Variants in KCNH8 observed in about 807,000 individuals in gnomAD.
KCNH8 encodes the protein voltage-gated delayed rectifier potassium channel KCNH8.
A neutral mutation model predicts 103.6 loss-of-function variants in KCNH8; 70 were observed. That is an observed-to-expected ratio of 0.68 (90% CI 0.56 to 0.82). KCNH8 has a LOEUF of 0.82. Among genes scored for constraint, KCNH8 ranks in the 40% least tolerant of loss-of-function variants. KCNH8 has a pLI of 0.00. For missense variants in KCNH8, 1,217 were observed against 1,329.9 expected (o/e 0.92, Z 1.32); for synonymous variants, 498 against 489.4 (o/e 1.02, Z -0.23).
chr3:19,250,407 A>G (rs576004209), intron 1 of KCNH8, among the ~76,000 whole-genome samples: 1 of 152,302 alleles, frequency 6.6e-6, no homozygotes, highest in Admixed American at 6.5e-5. Flanking sequence ...ACTTAAAATA[A>G]AACTTGATAT....
chr3:19,345,505 C>A (rs1393308956), intron 4 of KCNH8, among the ~76,000 whole-genome samples: 2 of 152,000 alleles, frequency 1.3e-5, no homozygotes, highest in African/African-American at 2.4e-5. Context: ...AAGAAATATG[C>A]TTGAAGATTA....
intron 1 of KCNH8, among the ~76,000 whole-genome samples, chr3:19,246,266 TTG>T (rs1295057831): frequency 3.8e-4 from 56 of 145,462 alleles, no homozygotes; most frequent in South Asian, 6.3e-4. Flanking sequence ...AGTTTTTTTG[TTG>T]TTGTTGTTTT....
intron 2 of KCNH8, among the ~76,000 whole-genome samples, chr3:19,266,274 C>A (rs2064509382): frequency 6.6e-6 from 1 of 152,088 alleles, no homozygotes; most frequent in Non-Finnish European, 1.5e-5. Flanking sequence ...TCATCATTCC[C>A]ATGTCAGCAC....
At chr3:19,526,778 CT>C (rs1205778416) in intron 15 of KCNH8, among the ~76,000 whole-genome samples, 5 of 151,910 alleles carry the variant, frequency 3.3e-5, no homozygotes, top group Non-Finnish European at 1.5e-5. Context: ...ACTTCTTTAT[CT>C]TTCAGTGATA....
At chr3:19,381,319 G>A (rs927735702) in intron 5 of KCNH8, among the ~76,000 whole-genome samples, 1 of 152,026 alleles carries the variant, frequency 6.6e-6, no homozygotes, top group Non-Finnish European at 1.5e-5. Context: ...AAATAGTGCT[G>A]GATCAATTGG....
At chr3:19,399,006 C>T (rs1176133564) in intron 7 of KCNH8, among the ~76,000 whole-genome samples, 1 of 151,932 alleles carries the variant, frequency 6.6e-6, no homozygotes, top group Non-Finnish European at 1.5e-5. Context: ...GAAAGTCAGC[C>T]TCTGAAAAAT....
chr3:19,170,217 A>G (rs1001415441), intron 1 of KCNH8, among the ~76,000 whole-genome samples: 1 of 152,104 alleles, frequency 6.6e-6, no homozygotes, highest in Non-Finnish European at 1.5e-5. Flanking sequence ...GTGCTAAGTA[A>G]ATTTATTGTT....
At chr3:19,372,563 A>T (rs2066117391) in intron 5 of KCNH8, among the ~76,000 whole-genome samples, 1 of 152,180 alleles carries the variant, frequency 6.6e-6, no homozygotes, top group Non-Finnish European at 1.5e-5. Context: ...GCAAACAAGG[A>T]CAATTTGACT....
At chr3:19,357,033 C>T (rs1286497054) in intron 5 of KCNH8, among the ~76,000 whole-genome samples, 1 of 151,752 alleles carries the variant, frequency 6.6e-6, no homozygotes, top group Non-Finnish European at 1.5e-5. Context: ...TTGTAGGCAG[C>T]AGTATGCCCA....
intron 15 of KCNH8, among the ~76,000 whole-genome samples, chr3:19,520,801 G>A (rs540110322): frequency 1.1e-3 from 163 of 152,088 alleles, no homozygotes; most frequent in African/African-American, 3.3e-3. Context: ...TGAGGTGTCA[G>A]AGCGCTGCAG....
chr3:19,166,515 C>T (rs546765623), intron 1 of KCNH8, among the ~76,000 whole-genome samples: 59 of 151,994 alleles, frequency 3.9e-4, no homozygotes, highest in Non-Finnish European at 6.9e-4. Context: ...CAGCATTGTT[C>T]GTAGTACATA....
At chr3:19,207,951 T>C (rs142002609) in intron 1 of KCNH8, among the ~76,000 whole-genome samples, 4 of 152,134 alleles carry the variant, frequency 2.6e-5, no homozygotes, top group African/African-American at 7.2e-5. Context: ...TTGGTATGGA[T>C]TTCAAGATTT....
At position 19,467,121 on chromosome 3, in the gene KCNH8, G is replaced by A. The variant is rs543268079; in HGVS notation, c.2040+10139G>A. 3.3e-5 allele frequency among the ~76,000 whole-genome samples: 5 copies of A among 152,166 alleles called. No homozygotes were observed. In the South Asian group the frequency reaches 1.0e-3, roughly 32 times the overall value. ...ACTTTACTGAGATAGTAACTTTATT[G>A]TAGTGGTTTGGAAGTGGTCTGAGGT... On this transcript the variant is annotated intron_variant, in intron 11 of 15. Coordinates refer to ENST00000328405, the MANE Select transcript of KCNH8 (RefSeq NM_144633.3).
rs116595384 is a variant in KCNH8, at chr3:19,189,733, T to A, written c.76+40938T>A. Among the ~76,000 whole-genome samples, 390 of 152,108 alleles carry A rather than the reference T, an allele frequency of 2.6e-3. 2 individuals are homozygous for A. The highest frequency in any genetic ancestry group is 9.1e-3 in the African/African-American group (379 of 41,518). ...AATGATCTTCCTATTAATTACAAAA[T>A]TATGACTGGTATGCCATTTGGTGAA... On this transcript the variant is annotated intron_variant, in intron 1 of 15. Coordinates refer to ENST00000328405, the MANE Select transcript of KCNH8 (RefSeq NM_144633.3).
At chr3:19,222,284 A>G (rs187524798) in intron 1 of KCNH8, among the ~76,000 whole-genome samples, 1 of 151,962 alleles carries the variant, frequency 6.6e-6, no homozygotes, top group Admixed American at 6.6e-5. Flanking sequence ...CATAAAACAT[A>G]TTTTTTTTCC....
At chr3:19,475,261 A>G (rs944542487) in intron 11 of KCNH8, among the ~76,000 whole-genome samples, 1 of 152,202 alleles carries the variant, frequency 6.6e-6, no homozygotes, top group African/African-American at 2.4e-5. Flanking sequence ...CATGTGTATA[A>G]CTGAATGATG....
intron 1 of KCNH8, among the ~76,000 whole-genome samples, chr3:19,154,016 C>T (rs1358578770): frequency 6.6e-6 from 1 of 152,112 alleles, no homozygotes; most frequent in Non-Finnish European, 1.5e-5. Context: ...TCAGGATTAT[C>T]TTTTTCTCAA....
chr3:19,365,875 A>G (rs1388624602), intron 5 of KCNH8, among the ~76,000 whole-genome samples: 1 of 152,028 alleles, frequency 6.6e-6, no homozygotes, highest in East Asian at 1.9e-4. Context: ...TTAAATAATG[A>G]CAGAAGAGAA....
At chr3:19,375,573 A>G (rs2066181503) in intron 5 of KCNH8, among the ~76,000 whole-genome samples, 1 of 149,802 alleles carries the variant, frequency 6.7e-6, no homozygotes, top group African/African-American at 2.4e-5. Flanking sequence ...AGCTCAGAGT[A>G]ATTTGATCGT....
Sources: gnomAD v4.1 joint callset for allele counts (sites outside exome capture counted in the v4.1 genomes callset) on GRCh38, gnomAD v4.1.1 for gene constraint, MANE v1.5 for transcripts, NCBI Gene and HGNC (gene_info 2026-07-23, HGNC 2026-07-21) for gene names.